The following OPHN1 variants were observed in gnomAD, a reference collection of about 807,000 sequenced individuals.
OPHN1 encodes oligophrenin-1.
A neutral mutation model predicts 60.7 loss-of-function variants in OPHN1; 11 were observed. The ratio of observed to expected loss-of-function variants is 0.18; its 90% CI spans 0.11 to 0.30. The LOEUF is 0.30. Ranked by LOEUF, OPHN1 falls within the 10% of genes least tolerant of loss-of-function variation. The probability of loss-of-function intolerance (pLI) is 1.00; values close to 1 mark genes in which losing one functional copy is unlikely to be tolerated. For missense variants in OPHN1, 449 were observed against 611.0 expected (o/e 0.73, Z 2.80); for synonymous variants, 226 against 222.6 (o/e 1.02, Z -0.14).
intron 15 of OPHN1, among the ~76,000 whole-genome samples, chrX:68,136,617 C>G (rs910881322): frequency 4.5e-5 from 5 of 111,510 alleles, no homozygotes; most frequent in African/African-American, 1.6e-4. Context: ...GTCAAAATAT[C>G]TAAATTCAAA....
At chrX:68,376,641 A>C (rs999629278) in intron 2 of OPHN1, among the ~76,000 whole-genome samples, 1 of 111,000 alleles carries the variant, frequency 9.0e-6, no homozygotes, top group African/African-American at 3.3e-5. Flanking sequence ...GCAGACTTAA[A>C]CATAGCACAA....
intron 2 of OPHN1, among the ~76,000 whole-genome samples, chrX:68,394,450 A>G (rs565443573): frequency 4.8e-4 from 54 of 111,878 alleles, no homozygotes; most frequent in African/African-American, 1.7e-3. Context: ...CTGCTTTTAC[A>G]TACAACTTTT....
chrX:68,335,250 A>C (rs1215106716), intron 2 of OPHN1, among the ~76,000 whole-genome samples: 1 of 110,678 alleles, frequency 9.0e-6, no homozygotes, highest in African/African-American at 3.3e-5. Context: ...TACCTCTCCA[A>C]GACTAATGAG....
chrX:68,138,497 G>A (rs1049831120), intron 15 of OPHN1, among the ~76,000 whole-genome samples: 3 of 111,739 alleles, frequency 2.7e-5, no homozygotes, highest in Non-Finnish European at 5.6e-5. Context: ...GCTACATATG[G>A]CCACACGGAC....
At chrX:68,058,238 T>C (rs1056555362) in intron 21 of OPHN1, among the ~76,000 whole-genome samples, 1 of 105,549 alleles carries the variant, frequency 9.5e-6, no homozygotes, top group Non-Finnish European at 1.9e-5. Context: ...GTGAGGGCTT[T>C]TGTGCCCAAC....
At chrX:68,054,686 C>T (rs758518994) in intron 21 of OPHN1, among the ~76,000 whole-genome samples, 112 of 111,574 alleles carry the variant, frequency 1.0e-3, no homozygotes, top group Non-Finnish European at 9.0e-4. Flanking sequence ...TCAATTCATA[C>T]AAGCATTTAA....
At chrX:68,114,648 C>T (rs759492841) in intron 16 of OPHN1, among the ~76,000 whole-genome samples, 1 of 110,106 alleles carries the variant, frequency 9.1e-6, no homozygotes, top group Admixed American at 9.7e-5. Context: ...GCCTGTAGTC[C>T]AGACTACTCA....
At chrX:68,265,124 G>A (rs982179414) in intron 5 of OPHN1, among the ~76,000 whole-genome samples, 3 of 112,505 alleles carry the variant, frequency 2.7e-5, no homozygotes, top group Non-Finnish European at 5.6e-5. Context: ...CCAAACAAAA[G>A]GCAGCAGAAT....
intron 15 of OPHN1, among the ~76,000 whole-genome samples, chrX:68,131,190 T>TTTTATTTATTTATTTATTTA (rs60984024): frequency 8.1e-5 from 8 of 98,483 alleles, no homozygotes; most frequent in African/African-American, 3.1e-4. Context: ...CAAAGAACAC[T>TTTTATTTATTTATTTATTTA]TTTATTTATT....
intron 6 of OPHN1, among the ~76,000 whole-genome samples, chrX:68,216,874 A>G (rs2077612158): frequency 8.9e-6 from 1 of 112,359 alleles, no homozygotes; most frequent in Admixed American, 9.4e-5. Flanking sequence ...CAATAACATG[A>G]AAAAATGCTC....
intron 7 of OPHN1, 36 bp downstream of exon 7, chrX:68,213,826 A>G: frequency 1.2e-6 from 1 of 840,476 alleles, no homozygotes; most frequent in South Asian, 2.1e-5. Flanking sequence ...CATTTGATAA[A>G]TATTTTTAGA....
intron 2 of OPHN1, among the ~76,000 whole-genome samples, chrX:68,355,500 A>G (rs2078435704): frequency 1.8e-5 from 2 of 112,132 alleles, no homozygotes; most frequent in African/African-American, 6.5e-5. Flanking sequence ...AGATAGTTTC[A>G]AGATGAAATA....
intron 4 of OPHN1, among the ~76,000 whole-genome samples, chrX:68,276,339 G>C (rs1229134918): frequency 9.0e-6 from 1 of 111,356 alleles, no homozygotes; most frequent in Non-Finnish European, 1.9e-5. Flanking sequence ...ATCTCTGAGT[G>C]TGCTCATTTG....
intron 2 of OPHN1, among the ~76,000 whole-genome samples, chrX:68,419,486 A>G (rs1318787936): frequency 9.1e-6 from 1 of 110,435 alleles, no homozygotes; most frequent in Non-Finnish European, 1.9e-5. Context: ...ATAAAAAAGC[A>G]AGTAGTCTAT....
At chrX:68,254,948 A>G (rs1165428345) in intron 5 of OPHN1, among the ~76,000 whole-genome samples, 2 of 105,042 alleles carry the variant, frequency 1.9e-5, no homozygotes, top group East Asian at 6.3e-4. Flanking sequence ...TGAGCCTGGA[A>G]GGCAGAGGTT....
intron 6 of OPHN1, 91 bp downstream of exon 6, chrX:68,234,396 G>A (rs1448645059): frequency 1.1e-5 from 8 of 702,565 alleles, no homozygotes; most frequent in South Asian, 2.2e-5. Flanking sequence ...CTGCTGAGAC[G>A]GGGTATGGGA....
At chrX:68,256,143 C>T (rs781712166) in intron 5 of OPHN1, among the ~76,000 whole-genome samples, 3 of 111,245 alleles carry the variant, frequency 2.7e-5, no homozygotes, top group African/African-American at 6.5e-5. Flanking sequence ...AGGTAGGGCT[C>T]ACAGATTGGT....
rs1022151620 is a variant in OPHN1, at chrX:68,111,345, A to G, written c.1526+509T>C. On this transcript the variant is annotated intron_variant, in intron 18 of 24. Coordinates refer to ENST00000355520, the MANE Select transcript of OPHN1 (RefSeq NM_002547.3). ...TCACCTGCCTATCTCAGTGCCTGTC[A>G]CCAGGACTATTCTCCAGGATCCCGC... 2.7e-5 allele frequency among the ~76,000 whole-genome samples: 3 copies of G among 112,359 alleles called. No homozygotes were observed. In the Admixed American group the frequency reaches 2.8e-4, roughly 11 times the overall value.
At chrX:68,410,775 A>C (rs2078765259) in intron 2 of OPHN1, among the ~76,000 whole-genome samples, 1 of 111,399 alleles carries the variant, frequency 9.0e-6, no homozygotes, top group Non-Finnish European at 1.9e-5. Context: ...AGCAGGGTAT[A>C]TACCCAAAAG....
Sources: allele counts gnomAD v4.1 joint callset (sites outside exome capture counted in the v4.1 genomes callset), GRCh38; gene constraint gnomAD v4.1.1; transcripts MANE v1.5; gene names NCBI Gene and HGNC (gene_info 2026-07-23, HGNC 2026-07-21).